Variants in ASH1L observed in about 807,000 individuals in gnomAD.
The protein encoded by ASH1L is ASH1 like histone lysine methyltransferase, also known as histone-lysine N-methyltransferase ASH1L.
ASH1L carries 23 observed loss-of-function variants against 269.0 expected under a neutral mutation model. The observed-to-expected ratio is 0.09, with a 90% CI of 0.06 to 0.12. The LOEUF (loss-of-function observed/expected upper bound fraction) is 0.12, where lower values mean the gene tolerates loss of function less well. ASH1L is among the 10% of genes least tolerant of loss of function. The pLI, the probability that ASH1L is intolerant of heterozygous loss-of-function variation, is 1.00. For missense variants in ASH1L, 2,912 were observed against 3,567.8 expected, an observed-to-expected ratio of 0.82 and a Z score of 4.68; for synonymous variants, 1,187 against 1,253.5, an observed-to-expected ratio of 0.95 and a Z score of 1.12.
intron 5 of ASH1L, among the ~76,000 whole-genome samples, chr1:155,418,323 C>T (rs146345912): frequency 2.2e-4 from 33 of 151,944 alleles, no homozygotes; most frequent in African/African-American, 7.7e-4. Context: ...TTAACAACAA[C>T]AACAAAAGGA....
In ASH1L at chr1:155,506,358, C is replaced by T. The variant is rs564922138; in HGVS notation, c.420+14742G>A. Among the ~76,000 whole-genome samples the T allele has an allele frequency of 8.5e-5, 13 of 152,242 alleles. No individual in the cohort carries two copies. The South Asian group carries it at 1.2e-3, about 15-fold the overall frequency. On this transcript the variant is annotated intron_variant, in intron 2 of 27. Coordinates refer to ENST00000392403, the MANE Select transcript of ASH1L (RefSeq NM_018489.3). ...AAACTGCCAGGCAAATAATCTCTAC[C>T]GAGCAAGAACTAAGGCACTATTATT... is the stretch of plus-strand genomic sequence containing the variant.
intron 2 of ASH1L, among the ~76,000 whole-genome samples, chr1:155,507,737 G>A (rs1161229229): frequency 1.3e-5 from 2 of 152,104 alleles, no homozygotes; most frequent in South Asian, 2.1e-4. Context: ...AGCCAAGTGC[G>A]GTGGCACACA....
In ASH1L at chr1:155,478,847, A is replaced by C; in HGVS notation, c.4023T>G (p.Ile1341Met). The change falls in exon 3 of 28, where the codon ATT (isoleucine) becomes ATG (methionine). Residue 1341 changes from isoleucine to methionine, a missense_variant. By Grantham distance (10) the Ile-to-Met change is conservative. This residue lies in a region of ASH1L where 789 missense variants were observed against 897.6 expected (regional missense o/e 0.88). Transcript: ENST00000392403. The surrounding 1 kb of genome is among the most constrained non-coding windows in gnomAD (Gnocchi z 4.6). Reference protein sequence around the residue: ...PSFPLDPLHYIRKPDLKKKRG... With the variant: ...PSFPLDPLHYMRKPDLKKKRG... The stretch of plus-strand genomic sequence containing the variant: ...TTTTCTTTTTTAAGTCAGGTTTTCG[A>C]ATGTAGTGCAAAGGGTCTAAGGGGA... The C allele has an allele frequency of 6.2e-7, 1 of 1,613,982 alleles. No individual in the cohort carries two copies. Among genetic ancestry groups the C allele is most frequent in the Non-Finnish European group, 8.5e-7 (1 of 1,179,994 alleles).
At chr1:155,433,035 AGGC>A in intron 5 of ASH1L, 1 of 962,062 alleles carries the variant, frequency 1.0e-6, no homozygotes, top group Non-Finnish European at 1.5e-6. Context: ...ACTACAGTAA[AGGC>A]AGAAATCATC....
At chr1:155,562,980 G>A (rs1672156213), upstream of ASH1L, 1 of 457,756 alleles carries the variant, frequency 2.2e-6, no homozygotes, top group South Asian at 1.5e-5. Context: ...GTCGGCTGCA[G>A]GGGCAGGAGA....
At chr1:155,346,155 T>C (rs1471686142) in intron 21 of ASH1L, 3 of 1,429,752 alleles carry the variant, frequency 2.1e-6, no homozygotes, top group Admixed American at 2.1e-5. Context: ...TTTTATATAG[T>C]GCCATTCCTT....
Position 155,527,217 on chromosome 1 carries a change from G to GA in ASH1L, c.-99-5600dup, listed in dbSNP as rs112701103. Among the ~76,000 whole-genome samples the GA allele has an allele frequency of 6.5e-3, 940 of 145,608 alleles. 6 individuals are homozygous for GA. The highest frequency in any genetic ancestry group is 0.021 in the Middle Eastern group (6 of 290). ...AGCGAGACTCCGTCTCAAAAAAAAA[G>GA]AAAAAAAAAAATTCCTCTTGACTCC... On this transcript the variant is annotated intron_variant, in intron 1 of 27. Transcript: ENST00000392403.
intron 6 of ASH1L, among the ~76,000 whole-genome samples, chr1:155,401,169 A>T (rs1168462420): frequency 1.3e-5 from 2 of 151,398 alleles, no homozygotes; most frequent in African/African-American, 4.9e-5. Context: ...TCTCAAAAAA[A>T]AAAAGTGTTA....
chr1:155,547,975 C>CA (rs919537763), intron 1 of ASH1L, among the ~76,000 whole-genome samples: 1 of 151,906 alleles, frequency 6.6e-6, no homozygotes, highest in Non-Finnish European at 1.5e-5. Context: ...GACTCCGTCT[C>CA]AAAAAAGAAA....
intron 17 of ASH1L, among the ~76,000 whole-genome samples, chr1:155,350,781 C>T (rs1042474152): frequency 5.3e-5 from 8 of 151,666 alleles, no homozygotes; most frequent in Admixed American, 6.6e-5. Context: ...ATTAGCCGGG[C>T]GTGGTGGCAT....
Position 155,357,363 on chromosome 1 carries a change from A to G in ASH1L, c.7008T>C (p.Thr2336=), listed in dbSNP as rs775634219. The G allele has an allele frequency of 1.5e-5, 25 of 1,613,912 alleles. No homozygotes were observed. Among genetic ancestry groups the G allele is most frequent in the Non-Finnish European group, 1.9e-5 (23 of 1,179,924 alleles). Residue 2336 remains threonine (T), a synonymous_variant, in exon 15 of 28, where the codon ACT becomes ACC. Coordinates refer to ENST00000392403, the MANE Select transcript of ASH1L (RefSeq NM_018489.3). ...TCATCTGTAATTGGGGGGTCAATCTAGTTGGGGTGTTGATATTTTCACTGG... is the reference window on the plus strand; with the variant it reads ...TCATCTGTAATTGGGGGGTCAATCTGGTTGGGGTGTTGATATTTTCACTGG... ...EEPSENINTP[T]RLTPQLQMKP...
chr1:155,374,111 G>A (rs375943822), intron 10 of ASH1L, among the ~76,000 whole-genome samples: 4 of 152,084 alleles, frequency 2.6e-5, no homozygotes, highest in South Asian at 2.1e-4. Context: ...GGAGGATCAC[G>A]TGAGGTCAGG....
chr1:155,522,031 CTTTT>C (rs1179427657), intron 1 of ASH1L, among the ~76,000 whole-genome samples: 3 of 152,112 alleles, frequency 2.0e-5, no homozygotes, highest in African/African-American at 7.2e-5. Flanking sequence ...AAAAAATCAT[CTTTT>C]TTTGATACTC....
intron 1 of ASH1L, among the ~76,000 whole-genome samples, chr1:155,557,309 C>G (rs908194719): frequency 2.0e-5 from 3 of 151,912 alleles, no homozygotes; most frequent in African/African-American, 7.3e-5. Context: ...GTCACCCAGG[C>G]TGGAGTGCAG....
chr1:155,348,101 T>C (rs1167882264), intron 19 of ASH1L, among the ~76,000 whole-genome samples, 197 bp from the exon 20 acceptor site: 11 of 152,200 alleles, frequency 7.2e-5, no homozygotes, highest in Non-Finnish European at 1.6e-4. Flanking sequence ...AGAATCTGCA[T>C]GTTATTTTTC....
At chr1:155,470,122 T>A (rs1664987373) in intron 3 of ASH1L, among the ~76,000 whole-genome samples, 1 of 152,164 alleles carries the variant, frequency 6.6e-6, no homozygotes, top group South Asian at 2.1e-4. Flanking sequence ...AGTCAGTCCC[T>A]CACTTCTCTG....
intron 1 of ASH1L, among the ~76,000 whole-genome samples, chr1:155,541,815 C>A (rs1670444297): frequency 6.6e-6 from 1 of 151,872 alleles, no homozygotes. Context: ...ATGTTATTTC[C>A]TAATTTTAGA....
intron 1 of ASH1L, among the ~76,000 whole-genome samples, chr1:155,523,977 T>C (rs1669065060): frequency 6.6e-6 from 1 of 152,350 alleles, no homozygotes; most frequent in Non-Finnish European, 1.5e-5. Context: ...CATTCAATCA[T>C]ATAAACAGCT....
chr1:155,335,831 CTT>C lies in ASH1L; in HGVS notation c.*1827_*1828del, dbSNP rs1242212118. On this transcript the variant is annotated 3_prime_UTR_variant, in exon 28 of 28. Coordinates refer to ENST00000392403, the MANE Select transcript of ASH1L (RefSeq NM_018489.3). ...TAAAGGAAACATTGAATTTTAATCT[CTT>C]TCTTGTCATTTTCTCGCTTTTGACT... 2 of 152,120 alleles carry C rather than the reference CTT, an allele frequency of 1.3e-5. No individual in the cohort carries two copies. The highest frequency in any genetic ancestry group is 4.9e-5 in the African/African-American group (2 of 41,224). 9.4% of individuals were successfully genotyped at this position (152,120 alleles called of 1,614,324 possible). A position where few individuals can be genotyped will look rare whatever the true frequency, so the allele number is the denominator to read the frequency against.
Sources: allele counts gnomAD v4.1 joint callset (sites outside exome capture counted in the v4.1 genomes callset), GRCh38; gene constraint gnomAD v4.1.1; regional missense constraint gnomAD v4.1.1; non-coding constraint Gnocchi (gnomAD v3.1); transcripts MANE v1.5; gene names NCBI Gene and HGNC (gene_info 2026-07-23, HGNC 2026-07-21).